EIF4B: variants seen among roughly 807,000 people sequenced by gnomAD.
The protein encoded by EIF4B is eukaryotic translation initiation factor 4B.
In EIF4B, 8 loss-of-function variants were observed where a neutral mutation model predicts 79.3. That is an observed-to-expected ratio of 0.10 (90% CI 0.06 to 0.18). The LOEUF is 0.18. Ranked by LOEUF, EIF4B falls within the 10% of genes least tolerant of loss-of-function variation. The pLI, the probability that EIF4B is intolerant of heterozygous loss-of-function variation, is 1.00. For synonymous variants in EIF4B, 238 were observed against 274.7 expected, an observed-to-expected ratio of 0.87 and a Z score of 1.32; for missense variants, 515 against 792.4, an observed-to-expected ratio of 0.65 and a Z score of 4.20.
At position 53,040,284 on chromosome 12, in the gene EIF4B, T is replaced by C. The variant is rs1465435864; in HGVS notation, c.*61T>C. Reference sequence around the variant, plus strand: ...CCACCCTGGAACATTCGAGAGCAAATCAAAACCTCTATCCAGACAAGACAA... The same window carrying C: ...CCACCCTGGAACATTCGAGAGCAAACCAAAACCTCTATCCAGACAAGACAA... On this transcript the variant is annotated 3_prime_UTR_variant, in exon 15 of 15. Coordinates refer to ENST00000262056, the MANE Select transcript of EIF4B (RefSeq NM_001417.7). 3 of 1,444,412 alleles carry C rather than the reference T, an allele frequency of 2.1e-6. No homozygotes were observed. The highest frequency in any genetic ancestry group is 2.8e-5 in the African/African-American group (2 of 71,250). 89.5% of individuals were successfully genotyped at this position (1,444,412 alleles called of 1,614,324 possible). A position where few individuals can be genotyped will look rare whatever the true frequency, so the allele number is the denominator to read the frequency against.
At chr12:53,031,813 TA>T (rs1943451821) in intron 8 of EIF4B, among the ~76,000 whole-genome samples, 2 of 152,212 alleles carry the variant, frequency 1.3e-5, no homozygotes, top group Non-Finnish European at 2.9e-5. Flanking sequence ...AGTCACCATC[TA>T]GTGGTTATTT....
intron 10 of EIF4B, among the ~76,000 whole-genome samples, chr12:53,035,793 C>T (rs187661546): frequency 6.6e-6 from 1 of 152,142 alleles, no homozygotes; most frequent in Non-Finnish European, 1.5e-5. Flanking sequence ...CCTCCCACCT[C>T]TAAATTGATT....
At chr12:53,009,481 C>T (rs1020024683) in intron 1 of EIF4B, among the ~76,000 whole-genome samples, 2 of 144,940 alleles carry the variant, frequency 1.4e-5, no homozygotes, top group Admixed American at 7.2e-5. Context: ...GGCGACAGAG[C>T]GAGACTCCGT....
chr12:53,033,375 GCT>G (rs1377961211), intron 8 of EIF4B, among the ~76,000 whole-genome samples: 1 of 135,566 alleles, frequency 7.4e-6, no homozygotes. Flanking sequence ...ACGGAGCCTT[GCT>G]CTGTCACCAG....
At position 53,040,274 on chromosome 12, in the gene EIF4B, C is replaced by G. The variant is rs776528862; in HGVS notation, c.*51C>G. 1.0e-5 allele frequency: 15 copies of G among 1,497,778 alleles called. No homozygotes were observed. In the East Asian group the frequency reaches 3.2e-4, roughly 32 times the overall value. 92.8% of individuals were successfully genotyped at this position (1,497,778 alleles called of 1,614,324 possible). Reference sequence around the variant, plus strand: ...TAGTTTCTCTCCACCCTGGAACATTCGAGAGCAAATCAAAACCTCTATCCA... The same window carrying G: ...TAGTTTCTCTCCACCCTGGAACATTGGAGAGCAAATCAAAACCTCTATCCA... On this transcript the variant is annotated 3_prime_UTR_variant, in exon 15 of 15. Coordinates refer to ENST00000262056, the MANE Select transcript of EIF4B (RefSeq NM_001417.7).
rs55927246 is a variant in EIF4B at position 53,038,323 on chromosome 12, A to G, written c.1521-33A>G. On this transcript the variant is annotated intron_variant, in intron 11 of 14. Coordinates refer to ENST00000262056, the MANE Select transcript of EIF4B (RefSeq NM_001417.7). ...TCTTGGTTGTTTTCTCCCTGAAACA[A>G]CTGATGAATGTGATTACCTGTTTTC... 284,054 of 1,549,958 alleles carry G rather than the reference A, an allele frequency of 0.18. 27,943 individuals are homozygous for G. Among genetic ancestry groups the G allele is most frequent in the Middle Eastern group, 0.2 (1,178 of 5,810 alleles).
At chr12:53,016,706 C>T in intron 2 of EIF4B, 96 bp downstream of exon 2, 1 of 1,463,166 alleles carries the variant, frequency 6.8e-7, no homozygotes, top group Non-Finnish European at 9.1e-7. Context: ...CTGAAAAGAA[C>T]TTACTCATTT....
chr12:53,038,271 C>T (rs1355601440), intron 11 of EIF4B, 85 bp from the exon 12 acceptor site: 8 of 1,210,128 alleles, frequency 6.6e-6, no homozygotes, highest in Non-Finnish European at 9.2e-6. Context: ...TAAAGCTTAC[C>T]CACTGCATTT....
Position 53,033,993 on chromosome 12 carries a change from T to A in EIF4B, c.1167T>A (p.Arg389=), listed in dbSNP as rs1439376283. The change falls in exon 9 of 15, where the codon CGT becomes CGA. Residue 389 remains arginine (R), a synonymous_variant. Coordinates refer to ENST00000262056, the MANE Select transcript of EIF4B (RefSeq NM_001417.7). ...RLQKEQEKLQ[R]QLDEPKLERR... is the part of the protein sequence containing the mutation. Reference sequence around the variant, plus strand: ...AGAAGGAACAAGAGAAGTTGCAGCGTCAGCTGGATGAGCCAAAACTAGAAC... The same window carrying A: ...AGAAGGAACAAGAGAAGTTGCAGCGACAGCTGGATGAGCCAAAACTAGAAC... 2 of 1,613,658 alleles carry A rather than the reference T, an allele frequency of 1.2e-6. No homozygotes were observed. The highest frequency in any genetic ancestry group is 3.3e-5 in the Admixed American group (2 of 59,912).
chr12:53,039,681 A>G lies in EIF4B; in HGVS notation c.1734A>G (p.Lys578=). The G allele has an allele frequency of 6.2e-7, 1 of 1,613,690 alleles. No individual in the cohort carries two copies. Among genetic ancestry groups the G allele is most frequent in the Non-Finnish European group, 8.5e-7 (1 of 1,179,782 alleles). The change falls in exon 14 of 15, where the codon AAA becomes AAG. Residue 578 remains lysine (K), a synonymous_variant. Transcript: ENST00000262056. ...QDSRSAPEPK[K]PEENPASKFS... ...CCAGATCTGCACCTGAGCCAAAGAA[A>G]CCTGAGGAAAATCCAGCTTCCGTAA...
chr12:53,030,318 T>TGC lies in EIF4B; in HGVS notation c.979+2131_979+2132dup, dbSNP rs765052450. 2.7e-5 allele frequency among the ~76,000 whole-genome samples: 4 copies of TGC among 146,464 alleles called. No individual in the cohort carries two copies. In the East Asian group the frequency reaches 8.0e-4, roughly 29 times the overall value. On this transcript the variant is annotated intron_variant, in intron 8 of 14. Coordinates refer to ENST00000262056, the MANE Select transcript of EIF4B (RefSeq NM_001417.7). ...TCGCTTGAGCCTGGGAGGTCAAGGC[T>TGC]GCAGTTAGCCAAGGTCTCATTTCAG... is the stretch of plus-strand genomic sequence containing the variant.
intron 7 of EIF4B, 48 bp downstream of exon 7, chr12:53,027,967 T>A: frequency 6.2e-7 from 1 of 1,608,418 alleles, no homozygotes; most frequent in Non-Finnish European, 8.5e-7. Flanking sequence ...TTTGCCTTTT[T>A]TTTTTCCCCC....
chr12:53,013,263 C>A (rs116892036), intron 1 of EIF4B, among the ~76,000 whole-genome samples: 3,475 of 152,270 alleles, frequency 0.023, 53 homozygotes, highest in Non-Finnish European at 0.036. Context: ...ATTGTACTGA[C>A]CACCAGTTCT....
At chr12:53,023,803 G>A (rs867055792) in intron 6 of EIF4B, among the ~76,000 whole-genome samples, 11 of 148,062 alleles carry the variant, frequency 7.4e-5, no homozygotes, top group Admixed American at 4.0e-4. Context: ...GGCTGGTCTC[G>A]AACTCCTGAC....
intron 1 of EIF4B, among the ~76,000 whole-genome samples, chr12:53,014,360 C>G (rs1421889491): frequency 6.6e-6 from 1 of 150,662 alleles, no homozygotes; most frequent in Non-Finnish European, 1.5e-5. Flanking sequence ...TTGCAGTGAA[C>G]TGAGATCGCG....
At chr12:53,024,427 A>G (rs1333537645) in intron 6 of EIF4B, among the ~76,000 whole-genome samples, 1 of 152,240 alleles carries the variant, frequency 6.6e-6, no homozygotes, top group Admixed American at 6.5e-5. Flanking sequence ...TTATAAAGCT[A>G]CGCATGGTAA....
intron 11 of EIF4B, 121 bp from the exon 12 acceptor site, chr12:53,038,235 A>G (rs537743813): frequency 3.0e-5 from 23 of 764,770 alleles, no homozygotes; most frequent in Non-Finnish European, 4.5e-5. Flanking sequence ...AATGTTCCAT[A>G]ACATTGAGTA....
chr12:53,034,021 C>A lies in EIF4B; in HGVS notation c.1195C>A (p.Arg399=). The change falls in exon 9 of 15, where the codon CGG becomes AGG. Residue 399 remains arginine, a synonymous_variant. Coordinates refer to ENST00000262056, the MANE Select transcript of EIF4B (RefSeq NM_001417.7). ...GCTGGATGAGCCAAAACTAGAACGA[C>A]GGCCTCGGGAGAGGTGTGTTGTCTT... ...RQLDEPKLER[R]PRERHPSWRS... 1 of 1,611,388 alleles carries A rather than the reference C, an allele frequency of 6.2e-7. No homozygotes were observed. The highest frequency in any genetic ancestry group is 8.5e-7 in the Non-Finnish European group (1 of 1,178,620).
In EIF4B at chr12:53,034,182, T is replaced by TAGGCA. The variant is rs1342982589; in HGVS notation, c.1208+149_1208+153dup. Reference sequence around the variant, plus strand: ...TTTAGTGGGCTGTGGCCAGGGGTGTTAGGCAGTATGCAGTGTTAGGGACAG... The same window carrying TAGGCA: ...TTTAGTGGGCTGTGGCCAGGGGTGTTAGGCAAGGCAGTATGCAGTGTTAGGGACAG... On this transcript the variant is annotated intron_variant, in intron 9 of 14. Transcript: ENST00000262056. 3 of 757,658 alleles carry TAGGCA rather than the reference T, an allele frequency of 4.0e-6. No individual in the cohort carries two copies. The African/African-American group carries it at 5.3e-5, about 13-fold the overall frequency. The allele number at this position is 757,658 out of a possible 1,614,324, so 46.9% of individuals were successfully genotyped here.
Sources: gnomAD v4.1 joint callset for allele counts (sites outside exome capture counted in the v4.1 genomes callset) on GRCh38, gnomAD v4.1.1 for gene constraint, MANE v1.5 for transcripts, NCBI Gene and HGNC (gene_info 2026-07-23, HGNC 2026-07-21) for gene names.